IGFL2: variants seen among roughly 807,000 people sequenced by gnomAD.
IGFL2 encodes the protein IGF like family member 2.
In IGFL2, 7 loss-of-function variants were observed where a neutral mutation model predicts 13.9. That is an observed-to-expected ratio of 0.51 (90% CI 0.29 to 0.95). The LOEUF (loss-of-function observed/expected upper bound fraction) is 0.95. Among genes scored for constraint, IGFL2 ranks in the 40% least tolerant of loss-of-function variants. IGFL2 has a pLI of 0.08. For missense variants in IGFL2, 138 were observed against 147.8 expected (o/e 0.93, Z 0.34); for synonymous variants, 55 against 55.8 (o/e 0.99, Z 0.07).
chr19:46,143,300 T>C (rs1972941399), upstream of IGFL2: 1 of 152,238 alleles, frequency 6.6e-6, no homozygotes, highest in Admixed American at 6.5e-5. Flanking sequence ...GTATAACACA[T>C]AGAATATACA....
chr19:46,162,043 GAA>G (rs755004435), downstream of IGFL2, among the ~76,000 whole-genome samples: 5 of 152,200 alleles, frequency 3.3e-5, no homozygotes, highest in Non-Finnish European at 5.9e-5. Context: ...TTGCTTATCT[GAA>G]AAGGATCTTA....
At chr19:46,106,803 G>A in the IGFL2 span, among the ~76,000 whole-genome samples, 46 of 152,180 alleles carry the variant, frequency 3.0e-4, no homozygotes, top group African/African-American at 9.6e-4. Flanking sequence ...GGATATTGGC[G>A]TTGAGCATGG....
chr19:46,087,864 G>A, the IGFL2 span, among the ~76,000 whole-genome samples: 3 of 152,222 alleles, frequency 2.0e-5, no homozygotes, highest in Non-Finnish European at 2.9e-5. Flanking sequence ...CCCAGGGAAG[G>A]ATGCAGTCTA....
At chr19:46,149,184 CTCTT>C (rs1973321650) in intron 1 of IGFL2, 5 of 644,390 alleles carry the variant, frequency 7.8e-6, no homozygotes, top group Non-Finnish European at 1.4e-5. Flanking sequence ...TCTTCTCTCT[CTCTT>C]TCTCTCTCCC....
In IGFL2 at chr19:46,148,307, C is replaced by T. The variant is rs1020974319; in HGVS notation, c.19+10C>T. ...GTGCCCAGAATCTTCGGTAAGGTAA[C>T]CCTTGCCCCAGGTTGAGCTAATGCC... On this transcript the variant is annotated intron_variant, in intron 1 of 3. Coordinates refer to ENST00000377693, the MANE Select transcript of IGFL2 (RefSeq NM_001135113.2). The T allele has an allele frequency of 4.5e-6, 7 of 1,550,556 alleles. No individual in the cohort carries two copies. In the Admixed American group the frequency reaches 5.9e-5, roughly 13 times the overall value.
At chr19:46,137,500 T>C in the IGFL2 span, 29 of 1,146,574 alleles carry the variant, frequency 2.5e-5, 2 homozygotes, top group South Asian at 3.5e-4. Flanking sequence ...CCCTTCTCCT[T>C]CTCTTGCCTG....
At chr19:46,080,189 A>G in the IGFL2 span, among the ~76,000 whole-genome samples, 1 of 152,304 alleles carries the variant, frequency 6.6e-6, no homozygotes, top group South Asian at 2.1e-4. Context: ...CAAAAAATTA[A>G]TGGGATTTGA....
the IGFL2 span, among the ~76,000 whole-genome samples, chr19:46,206,014 A>AG: frequency 6.6e-6 from 1 of 152,202 alleles, no homozygotes; most frequent in Non-Finnish European, 1.5e-5. Context: ...GTTGTCATAC[A>AG]GGGAGATAAA....
At chr19:46,204,646 G>A in the IGFL2 span, among the ~76,000 whole-genome samples, 10 of 152,324 alleles carry the variant, frequency 6.6e-5, no homozygotes, top group Non-Finnish European at 1.3e-4. Flanking sequence ...ATGCACAGGC[G>A]GCTGCTTCGG....
the IGFL2 span, among the ~76,000 whole-genome samples, chr19:46,175,830 C>T: frequency 5.2e-4 from 75 of 143,788 alleles, 1 homozygote; most frequent in African/African-American, 1.9e-3. Context: ...CATGAGCCAC[C>T]GTGCCTGGCA....
the IGFL2 span, among the ~76,000 whole-genome samples, chr19:46,109,848 A>G: frequency 6.6e-6 from 1 of 152,196 alleles, no homozygotes; most frequent in Non-Finnish European, 1.5e-5. Context: ...GTGGAATGTC[A>G]TCAGTTAAGG....
At chr19:46,179,782 G>A in the IGFL2 span, among the ~76,000 whole-genome samples, 1 of 152,050 alleles carries the variant, frequency 6.6e-6, no homozygotes, top group Non-Finnish European at 1.5e-5. Context: ...CGGGAGTGTT[G>A]GTGCATGCCT....
At chr19:46,124,533 T>G in the IGFL2 span, 1 of 1,296,072 alleles carries the variant, frequency 7.7e-7, no homozygotes, top group Non-Finnish European at 1.1e-6. Flanking sequence ...GCTGGAATAA[T>G]GTTAGAGATA....
chr19:46,166,832 G>C, the IGFL2 span, among the ~76,000 whole-genome samples: 2 of 152,224 alleles, frequency 1.3e-5, no homozygotes, highest in East Asian at 3.8e-4. Context: ...CCGGCGGTCA[G>C]AGTTTAAGGT....
the IGFL2 span, among the ~76,000 whole-genome samples, chr19:46,096,074 G>T: frequency 6.6e-6 from 1 of 152,116 alleles, no homozygotes; most frequent in Non-Finnish European, 1.5e-5. Flanking sequence ...ATGGTAGTTT[G>T]ATGGGAATAT....
At chr19:46,171,105 CAG>C in the IGFL2 span, among the ~76,000 whole-genome samples, 6 of 152,096 alleles carry the variant, frequency 3.9e-5, no homozygotes, top group South Asian at 2.1e-4. Flanking sequence ...TTTTATGGCT[CAG>C]GGGGCATCAT....
chr19:46,194,853 T>TATATATATATATATA, the IGFL2 span, among the ~76,000 whole-genome samples: 2 of 14,134 alleles, frequency 1.4e-4, no homozygotes, highest in African/African-American at 3.8e-4. Context: ...TATATATATA[T>TATATATATATATATA]TTTTTTTTTT....
At chr19:46,170,696 C>G in the IGFL2 span, among the ~76,000 whole-genome samples, 31 of 152,252 alleles carry the variant, frequency 2.0e-4, no homozygotes, top group Middle Eastern at 3.4e-3. Flanking sequence ...AGGGGGGCCT[C>G]TAAAATGGCC....
chr19:46,092,834 A>G, the IGFL2 span, among the ~76,000 whole-genome samples: 1 of 152,072 alleles, frequency 6.6e-6, no homozygotes, highest in Non-Finnish European at 1.5e-5. Flanking sequence ...CAGATAATCT[A>G]AGTTATAATG....
Sources: gnomAD v4.1 joint callset for allele counts (sites outside exome capture counted in the v4.1 genomes callset) on GRCh38, gnomAD v4.1.1 for gene constraint, MANE v1.5 for transcripts, NCBI Gene and HGNC (gene_info 2026-07-23, HGNC 2026-07-21) for gene names.